SMYD3: variants seen among roughly 807,000 people sequenced by gnomAD.
The protein encoded by SMYD3 is histone-lysine N-methyltransferase SMYD3.
SMYD3 carries 36 observed loss-of-function variants against 57.7 expected under a neutral mutation model. The ratio of observed to expected loss-of-function variants is 0.62; its 90% CI spans 0.48 to 0.82. The LOEUF is 0.82. SMYD3 is among the 40% of genes least tolerant of loss of function. The pLI, the probability that SMYD3 is intolerant of heterozygous loss-of-function variation, is 0.00. For synonymous variants in SMYD3, 211 were observed against 195.0 expected (o/e 1.08, Z -0.68); for missense variants, 515 against 538.8 (o/e 0.96, Z 0.44).
chr1:246,444,274 T>A (rs371014355), intron 1 of SMYD3, among the ~76,000 whole-genome samples: 11 of 147,650 alleles, frequency 7.5e-5, no homozygotes, highest in East Asian at 5.8e-4. Context: ...TACAGGCATG[T>A]GCCACCACGC....
intron 1 of SMYD3, among the ~76,000 whole-genome samples, chr1:246,395,827 G>A (rs564408833): frequency 3.3e-5 from 5 of 152,260 alleles, no homozygotes; most frequent in East Asian, 1.9e-4. Flanking sequence ...CAGGGAAGAC[G>A]AACCCACCAC....
intron 5 of SMYD3, among the ~76,000 whole-genome samples, chr1:246,079,182 C>G (rs1254485810): frequency 6.6e-6 from 1 of 152,152 alleles, no homozygotes; most frequent in African/African-American, 2.4e-5. Context: ...TGGCACAGAG[C>G]AGATTCACAT....
chr1:246,139,762 G>T (rs191975537), intron 5 of SMYD3, among the ~76,000 whole-genome samples: 31 of 152,248 alleles, frequency 2.0e-4, no homozygotes, highest in Non-Finnish European at 4.0e-4. Flanking sequence ...ATTTTGTTTT[G>T]TTCAAGCTAA....
At chr1:245,989,959 T>C (rs1303181829) in intron 5 of SMYD3, among the ~76,000 whole-genome samples, 1 of 152,256 alleles carries the variant, frequency 6.6e-6, no homozygotes. Context: ...TTCTGTGACC[T>C]CTTCTCTAAC....
At chr1:246,036,768 C>G (rs1346679665) in intron 5 of SMYD3, among the ~76,000 whole-genome samples, 3 of 142,492 alleles carry the variant, frequency 2.1e-5, no homozygotes, top group East Asian at 2.2e-4. Context: ...GTTTCACCAT[C>G]TTAGCCAGGA....
intron 5 of SMYD3, among the ~76,000 whole-genome samples, chr1:246,229,304 A>G (rs1449047858): frequency 6.6e-6 from 1 of 152,198 alleles, no homozygotes; most frequent in Admixed American, 6.5e-5. Flanking sequence ...CTAATTTTAA[A>G]AAAAAGGGAT....
At chr1:246,240,035 T>C (rs569194395) in intron 5 of SMYD3, among the ~76,000 whole-genome samples, 2 of 152,344 alleles carry the variant, frequency 1.3e-5, no homozygotes, top group South Asian at 4.1e-4. Flanking sequence ...TCCCATTCTG[T>C]AGGTTGCCTG....
intron 5 of SMYD3, among the ~76,000 whole-genome samples, chr1:246,121,770 T>TAATC (rs1049254762): frequency 7.9e-5 from 12 of 152,122 alleles, no homozygotes; most frequent in Admixed American, 6.5e-5. Context: ...CTAAAATGAG[T>TAATC]AATCAGTGAT....
chr1:245,882,224 G>A (rs1288218891), intron 8 of SMYD3, among the ~76,000 whole-genome samples: 1 of 152,152 alleles, frequency 6.6e-6, no homozygotes, highest in Non-Finnish European at 1.5e-5. Flanking sequence ...AGTGACAACT[G>A]ACCTCTGTCA....
At chr1:245,774,556 T>C (rs2046463468) in intron 10 of SMYD3, among the ~76,000 whole-genome samples, 1 of 152,202 alleles carries the variant, frequency 6.6e-6, no homozygotes, top group African/African-American at 2.4e-5. Flanking sequence ...TTGACTGTAG[T>C]CATGGTTGCA....
At chr1:245,813,288 C>T (rs1251944157) in intron 10 of SMYD3, among the ~76,000 whole-genome samples, 1 of 152,098 alleles carries the variant, frequency 6.6e-6, no homozygotes, top group Non-Finnish European at 1.5e-5. Flanking sequence ...GCTGGGATTA[C>T]AGGCATGAGC....
At chr1:246,037,596 T>G (rs986818476) in intron 5 of SMYD3, among the ~76,000 whole-genome samples, 2 of 152,242 alleles carry the variant, frequency 1.3e-5, no homozygotes, top group South Asian at 2.1e-4. Context: ...GCTCCGGCAA[T>G]GCCGTTCTCT....
intron 5 of SMYD3, among the ~76,000 whole-genome samples, chr1:245,968,496 A>G (rs1410978805): frequency 6.6e-6 from 1 of 152,210 alleles, no homozygotes; most frequent in East Asian, 1.9e-4. Flanking sequence ...AATGATGCAG[A>G]ATTCACCTTA....
chr1:246,306,364 G>C (rs1383109055), intron 5 of SMYD3, among the ~76,000 whole-genome samples: 1 of 151,636 alleles, frequency 6.6e-6, no homozygotes, highest in African/African-American at 2.4e-5. Context: ...AATTCAGCGG[G>C]GTGTATCTTC....
chr1:246,258,407 T>C (rs1241853549), intron 5 of SMYD3, among the ~76,000 whole-genome samples: 1 of 152,178 alleles, frequency 6.6e-6, no homozygotes, highest in African/African-American at 2.4e-5. Flanking sequence ...GTGAGGCTGG[T>C]CTAGTGGTAA....
At chr1:245,798,561 A>G (rs1306238097) in intron 10 of SMYD3, among the ~76,000 whole-genome samples, 1 of 149,554 alleles carries the variant, frequency 6.7e-6, no homozygotes, top group Non-Finnish European at 1.5e-5. Context: ...CCCACCCCAG[A>G]ACCAGGAAGA....
chr1:245,780,091 C>G (rs754422301), intron 10 of SMYD3, among the ~76,000 whole-genome samples: 2 of 152,176 alleles, frequency 1.3e-5, no homozygotes, highest in East Asian at 3.8e-4. Context: ...TAAAATAGTA[C>G]AGCCACTTTG....
chr1:245,993,599 T>TAGACAGAC (rs1553382201), intron 5 of SMYD3, among the ~76,000 whole-genome samples: 2 of 45,672 alleles, frequency 4.4e-5, no homozygotes, highest in Admixed American at 2.8e-4. Flanking sequence ...GATAGATAGA[T>TAGACAGAC]AGATAGATAG....
intron 5 of SMYD3, among the ~76,000 whole-genome samples, chr1:246,216,007 A>G (rs1355404526): frequency 6.6e-6 from 1 of 152,102 alleles, no homozygotes. Flanking sequence ...AACAAACTCA[A>G]GGCCGGGCAC....
Sources: gnomAD v4.1 joint callset for allele counts (sites outside exome capture counted in the v4.1 genomes callset) on GRCh38, gnomAD v4.1.1 for gene constraint, MANE v1.5 for transcripts, NCBI Gene and HGNC (gene_info 2026-07-23, HGNC 2026-07-21) for gene names.